Variants in RAB20 observed in about 807,000 individuals in gnomAD.
RAB20 encodes the protein ras-related protein Rab-20.
RAB20 carries 2 observed loss-of-function variants against 3.7 expected under a neutral mutation model. That is an observed-to-expected ratio of 0.54 (90% CI 0.22 to 1.69). The LOEUF is 1.69. Among genes scored for constraint, RAB20 ranks in the 40% most tolerant of loss-of-function variants. RAB20 has a pLI of 0.19. For synonymous variants in RAB20, 126 were observed against 130.8 expected (o/e 0.96, Z 0.25); for missense variants, 276 against 311.9 (o/e 0.88, Z 0.87).
chr13:110,557,466 G>A (rs1885059161), intron 1 of RAB20, among the ~76,000 whole-genome samples: 1 of 152,228 alleles, frequency 6.6e-6, no homozygotes, highest in South Asian at 2.1e-4. Flanking sequence ...CGCCTGTGCT[G>A]GAGAGGAGGC....
chr13:110,524,417 G>C (rs417402), intron 1 of RAB20, among the ~76,000 whole-genome samples: 111,833 of 151,798 alleles, frequency 0.74, 41,368 homozygotes, highest in African/African-American at 0.8. Context: ...GCCCAGACTA[G>C]ATGGGAAACA....
chr13:110,523,596 C>A lies in RAB20; in HGVS notation c.*69G>T. 1 of 1,555,606 alleles carries A rather than the reference C, an allele frequency of 6.4e-7. No individual in the cohort carries two copies. ...ATTCCTTGCTGTTCCTTGCTCCTTT[C>A]AGATCACAGCTTGCCTGGTCAGACC... On this transcript the variant is annotated 3_prime_UTR_variant, in exon 2 of 2. Transcript: ENST00000267328.
At chr13:110,544,324 G>A (rs569870113) in intron 1 of RAB20, among the ~76,000 whole-genome samples, 23 of 152,312 alleles carry the variant, frequency 1.5e-4, no homozygotes, top group African/African-American at 5.5e-4. Context: ...AAGTCAGGCA[G>A]TGTGATGCTT....
chr13:110,523,491 C>T lies in RAB20; in HGVS notation c.*174G>A. 1.6e-6 allele frequency: 2 copies of T among 1,214,558 alleles called. No homozygotes were observed. The highest frequency in any genetic ancestry group is 2.2e-6 in the Non-Finnish European group (2 of 896,304). 75.2% of individuals were successfully genotyped at this position (1,214,558 alleles called of 1,614,324 possible). On this transcript the variant is annotated 3_prime_UTR_variant, in exon 2 of 2. Transcript: ENST00000267328. ...ACCCCTCTGACAGAGACTGAGGAGA[C>T]CACACACGTTGACCTCCTCTTCATA...
At chr13:110,535,109 C>T (rs538531035) in intron 1 of RAB20, among the ~76,000 whole-genome samples, 2 of 152,360 alleles carry the variant, frequency 1.3e-5, no homozygotes, top group African/African-American at 2.4e-5. Flanking sequence ...GCTGGGATTA[C>T]AGGCCTGAGC....
rs1044827914 is a variant in RAB20 at position 110,523,563 on chromosome 13, G to A, written c.*102C>T. ...AACATTCTGCTGCGGGTGTCATTCT[G>A]GAAAATAATTCCTTGCTGTTCCTTG... is the stretch of plus-strand genomic sequence containing the variant. On this transcript the variant is annotated 3_prime_UTR_variant, in exon 2 of 2. Coordinates refer to ENST00000267328, the MANE Select transcript of RAB20 (RefSeq NM_017817.3). The A allele has an allele frequency of 5.3e-6, 8 of 1,504,316 alleles. No individual in the cohort carries two copies. The highest frequency in any genetic ancestry group is 4.6e-5 in the Admixed American group (2 of 43,032). The allele number at this position is 1,504,316 out of a possible 1,614,324, so 93.2% of individuals were successfully genotyped here. A position where few individuals can be genotyped will look rare whatever the true frequency, so the allele number is the denominator to read the frequency against.
Position 110,532,668 on chromosome 13 carries a change from C to T in RAB20, c.173-8471G>A, listed in dbSNP as rs1226723631. Among the ~76,000 whole-genome samples the T allele has an allele frequency of 4.1e-4, 52 of 126,738 alleles. 2 individuals are homozygous for T. Among genetic ancestry groups the T allele is most frequent in the Admixed American group, 3.3e-3 (42 of 12,740 alleles). The allele number at this position is 126,738 out of a possible 152,430, so 83.1% of individuals were successfully genotyped here. A position where few individuals can be genotyped will look rare whatever the true frequency, so the allele number is the denominator to read the frequency against. Reference sequence around the variant, plus strand: ...CTGGGATTACAGGCGCGAGGCACCACGCCCAGCCTATTTAATTATTATTTT... The same window carrying T: ...CTGGGATTACAGGCGCGAGGCACCATGCCCAGCCTATTTAATTATTATTTT... On this transcript the variant is annotated intron_variant, in intron 1 of 1. Transcript: ENST00000267328.
chr13:110,561,266 C>T, intron 1 of RAB20, 82 bp downstream of exon 1: 2 of 1,435,440 alleles, frequency 1.4e-6, no homozygotes, highest in Non-Finnish European at 1.8e-6. Context: ...CTGTGCGCGG[C>T]CGGGTGCCCT....
chr13:110,561,274 C>T, intron 1 of RAB20, 74 bp downstream of exon 1: 1 of 1,453,894 alleles, frequency 6.9e-7, no homozygotes, highest in Non-Finnish European at 9.0e-7. Flanking sequence ...GGCCGGGTGC[C>T]CTGCTGGAAG....
At chr13:110,539,807 G>A (rs390019) in intron 1 of RAB20, among the ~76,000 whole-genome samples, 7,783 of 152,154 alleles carry the variant, frequency 0.051, 652 homozygotes, top group African/African-American at 0.18. Flanking sequence ...TGATCCACCC[G>A]CCTCAGCCTC....
intron 1 of RAB20, among the ~76,000 whole-genome samples, chr13:110,554,839 C>A (rs898106831): frequency 6.6e-6 from 1 of 152,178 alleles, no homozygotes; most frequent in African/African-American, 2.4e-5. Flanking sequence ...AAACCCATCA[C>A]GAGCCTTTCC....
rs1395959832 is a variant in RAB20 at position 110,536,724 on chromosome 13, G to GT, written c.173-12528_173-12527insA. Among the ~76,000 whole-genome samples the GT allele has an allele frequency of 1.3e-4, 11 of 84,758 alleles. 1 individual carries two copies. Among genetic ancestry groups the GT allele is most frequent in the East Asian group, 6.6e-4 (2 of 3,050 alleles). 55.6% of individuals were successfully genotyped at this position (84,758 alleles called of 152,430 possible). On this transcript the variant is annotated intron_variant, in intron 1 of 1. Transcript: ENST00000267328. ...AATATCTAAAATGGCTTTTTTTTGG[G>GT]GCGGTGGGGGGGGGTTGTTTTTATG... is the stretch of plus-strand genomic sequence containing the variant.
At chr13:110,541,632 C>T (rs1473665657) in intron 1 of RAB20, among the ~76,000 whole-genome samples, 1 of 152,180 alleles carries the variant, frequency 6.6e-6, no homozygotes, top group Non-Finnish European at 1.5e-5. Flanking sequence ...GAACTGCCTG[C>T]CCTAATCTTG....
chr13:110,533,879 C>T (rs1336404575), intron 1 of RAB20, among the ~76,000 whole-genome samples: 1 of 152,232 alleles, frequency 6.6e-6, no homozygotes, highest in Non-Finnish European at 1.5e-5. Context: ...TGGCTGGACA[C>T]ACCTGCCCCC....
chr13:110,557,519 C>T (rs1885059615), intron 1 of RAB20, among the ~76,000 whole-genome samples: 1 of 152,188 alleles, frequency 6.6e-6, no homozygotes, highest in Admixed American at 6.5e-5. Context: ...CTCAGAAGGA[C>T]CCAAAGGCCA....
Position 110,533,395 on chromosome 13 carries a change from C to T in RAB20, c.173-9198G>A, listed in dbSNP as rs142715730. 4.1e-3 allele frequency among the ~76,000 whole-genome samples: 623 copies of T among 152,136 alleles called. 4 individuals carry two copies. Among genetic ancestry groups the T allele is most frequent in the Non-Finnish European group, 6.9e-3 (469 of 68,000 alleles). On this transcript the variant is annotated intron_variant, in intron 1 of 1. Coordinates refer to ENST00000267328, the MANE Select transcript of RAB20 (RefSeq NM_017817.3). ...TAGTGAACTTGGTTAAATAATGGTG[C>T]GTGGAGGCCAGGCACAGTGGTTCAT...
At chr13:110,546,087 T>C (rs968702520) in intron 1 of RAB20, among the ~76,000 whole-genome samples, 3 of 138,506 alleles carry the variant, frequency 2.2e-5, no homozygotes, top group East Asian at 4.0e-4. Flanking sequence ...CCCCATGAGA[T>C]AGGCACCAAA....
chr13:110,561,223 AG>A, intron 1 of RAB20, 124 bp downstream of exon 1: 1 of 1,242,922 alleles, frequency 8.0e-7, no homozygotes, highest in African/African-American at 1.6e-5. Flanking sequence ...GGAAACCCCG[AG>A]AAGGAGGCAT....
intron 1 of RAB20, among the ~76,000 whole-genome samples, chr13:110,551,230 T>G (rs1001472110): frequency 6.6e-6 from 1 of 152,180 alleles, no homozygotes; most frequent in African/African-American, 2.4e-5. Flanking sequence ...ACCAGCAGTA[T>G]GTACTATGGG....
Sources: gnomAD v4.1 joint callset for allele counts (sites outside exome capture counted in the v4.1 genomes callset) on GRCh38, gnomAD v4.1.1 for gene constraint, MANE v1.5 for transcripts, NCBI Gene and HGNC (gene_info 2026-07-23, HGNC 2026-07-21) for gene names.